The following CRTC1 variants were observed in gnomAD, a reference collection of about 807,000 sequenced individuals.
The protein encoded by CRTC1 is CREB-regulated transcription coactivator 1.
A neutral mutation model predicts 66.1 loss-of-function variants in CRTC1; 18 were observed. The ratio of observed to expected loss-of-function variants is 0.27; its 90% CI spans 0.19 to 0.40. CRTC1 has a LOEUF of 0.40. CRTC1 is among the 10% of genes least tolerant of loss of function. The pLI, the probability that CRTC1 is intolerant of heterozygous loss-of-function variation, is 1.00. For missense variants in CRTC1, 669 were observed against 887.9 expected, an observed-to-expected ratio of 0.75 and a Z score of 3.13; for synonymous variants, 416 against 398.8, an observed-to-expected ratio of 1.04 and a Z score of -0.51.
At chr19:18,756,819 A>T (rs2054499278) in intron 6 of CRTC1, among the ~76,000 whole-genome samples, 2 of 152,180 alleles carry the variant, frequency 1.3e-5, no homozygotes, top group African/African-American at 4.8e-5. Context: ...TACTGCTCAG[A>T]AATCCATTAA....
chr19:18,701,365 C>A (rs902727227), intron 1 of CRTC1, among the ~76,000 whole-genome samples: 9 of 152,276 alleles, frequency 5.9e-5, no homozygotes, highest in Admixed American at 5.2e-4. Context: ...GATGCATCCA[C>A]GCAAAGTGTC....
chr19:18,749,982 A>G (rs2054327784), intron 5 of CRTC1, 107 bp downstream of exon 5: 2 of 850,146 alleles, frequency 2.4e-6, no homozygotes, highest in African/African-American at 1.7e-5. Context: ...TCTTCAAAGG[A>G]AGACTCAGAC....
chr19:18,754,698 G>A lies in CRTC1; in HGVS notation c.624+1113G>A, dbSNP rs147028926. The stretch of plus-strand genomic sequence containing the variant: ...TTGAGGAAATAGTCTTCAGTCCCTC[G>A]AGGAGATAAGATTCTGAAGAAATTT... On this transcript the variant is annotated intron_variant, in intron 6 of 13. Transcript: ENST00000321949. Among the ~76,000 whole-genome samples the A allele has an allele frequency of 5.8e-3, 881 of 152,280 alleles. 13 individuals are homozygous for A. The highest frequency in any genetic ancestry group is 0.016 in the Admixed American group (252 of 15,298).
At chr19:18,774,826 G>C in intron 11 of CRTC1, 74 bp from the exon 12 acceptor site, 3 of 1,441,614 alleles carry the variant, frequency 2.1e-6, no homozygotes, top group Middle Eastern at 1.7e-4. Flanking sequence ...TTGTCTTCCA[G>C]CCGGGCTTGG....
At chr19:18,726,535 G>C (rs2053756620) in intron 1 of CRTC1, among the ~76,000 whole-genome samples, 3 of 152,228 alleles carry the variant, frequency 2.0e-5, no homozygotes, top group Admixed American at 2.0e-4. Context: ...ACCTGTGAGT[G>C]AGCTCATTTG....
chr19:18,697,476 A>G (rs1302353296), intron 1 of CRTC1, among the ~76,000 whole-genome samples: 3 of 152,158 alleles, frequency 2.0e-5, no homozygotes, highest in African/African-American at 7.2e-5. Context: ...TACCTGGCTA[A>G]TTTTTGCATT....
At chr19:18,744,390 C>A (rs191630786) in intron 2 of CRTC1, among the ~76,000 whole-genome samples, 2 of 152,212 alleles carry the variant, frequency 1.3e-5, no homozygotes, top group Non-Finnish European at 2.9e-5. Flanking sequence ...CCATCTGGGG[C>A]AGATGCCATA....
intron 1 of CRTC1, among the ~76,000 whole-genome samples, chr19:18,710,587 T>C (rs2053368078): frequency 6.6e-6 from 1 of 152,154 alleles, no homozygotes; most frequent in South Asian, 2.1e-4. Flanking sequence ...CTTGACTGTT[T>C]ATTTTTTACA....
At chr19:18,711,510 T>G (rs905664281) in intron 1 of CRTC1, among the ~76,000 whole-genome samples, 2 of 151,840 alleles carry the variant, frequency 1.3e-5, no homozygotes, top group African/African-American at 4.8e-5. Context: ...AAAAAAAAAG[T>G]AAAAGTTGGC....
chr19:18,767,349 C>T (rs1331326624), intron 9 of CRTC1, among the ~76,000 whole-genome samples: 2 of 152,062 alleles, frequency 1.3e-5, no homozygotes, highest in Non-Finnish European at 2.9e-5. Context: ...AGGCATGTGC[C>T]TACCATGCCC....
intron 1 of CRTC1, among the ~76,000 whole-genome samples, chr19:18,722,991 A>T (rs2053662147): frequency 6.6e-6 from 1 of 151,780 alleles, no homozygotes; most frequent in Non-Finnish European, 1.5e-5. Flanking sequence ...CCCAGGCTGG[A>T]GTGCAGAGGT....
At chr19:18,776,980 G>A (rs1321527853) in intron 13 of CRTC1, among the ~76,000 whole-genome samples, 191 bp from the exon 14 acceptor site, 1 of 152,212 alleles carries the variant, frequency 6.6e-6, no homozygotes. Flanking sequence ...CTGGGGTCCA[G>A]GCACTGTAGG....
chr19:18,778,305 A>G lies in CRTC1; in HGVS notation c.*923A>G, dbSNP rs1298431649. 9 of 229,870 alleles carry G rather than the reference A, an allele frequency of 3.9e-5. No homozygotes were observed. Among genetic ancestry groups the G allele is most frequent in the African/African-American group, 6.7e-5 (3 of 44,916 alleles). 14.2% of individuals were successfully genotyped at this position (229,870 alleles called of 1,614,324 possible). A position where few individuals can be genotyped will look rare whatever the true frequency, so the allele number is the denominator to read the frequency against. ...TTCATTGTGGTTTTTTTTTCCTTTT[A>G]GTTTCTAGTTACATTTTGGTTGTAG... On this transcript the variant is annotated 3_prime_UTR_variant, in exon 14 of 14. Coordinates refer to ENST00000321949, the MANE Select transcript of CRTC1 (RefSeq NM_015321.3).
intron 1 of CRTC1, among the ~76,000 whole-genome samples, chr19:18,698,127 T>C (rs1424766271): frequency 6.6e-6 from 1 of 151,058 alleles, no homozygotes; most frequent in Non-Finnish European, 1.5e-5. Context: ...GTTTGTGTTC[T>C]GCAGGCGCTC....
Position 18,743,014 on chromosome 19 carries a change from C to T in CRTC1, c.231C>T (p.Asp77=). The T allele has an allele frequency of 1.2e-6, 2 of 1,612,450 alleles. No homozygotes were observed. The highest frequency in any genetic ancestry group is 1.7e-6 in the Non-Finnish European group (2 of 1,179,236). ...NVNQIGSGTM[D]LPFQTPFQSS... ...ACCAGATCGGGAGTGGCACCATGGACCTGCCCTTCCAGGTGAGTGCCCCGC... is the reference window on the plus strand; with the variant it reads ...ACCAGATCGGGAGTGGCACCATGGATCTGCCCTTCCAGGTGAGTGCCCCGC... The change falls in exon 2 of 14, where the codon GAC becomes GAT. Residue 77 remains aspartate (D), a synonymous_variant. Coordinates refer to ENST00000321949, the MANE Select transcript of CRTC1 (RefSeq NM_015321.3).
intron 1 of CRTC1, among the ~76,000 whole-genome samples, chr19:18,736,404 C>G (rs1229389973): frequency 1.3e-5 from 2 of 151,256 alleles, no homozygotes; most frequent in African/African-American, 4.9e-5. Flanking sequence ...TCGCTCCCCA[C>G]CTTCCTCTTG....
chr19:18,772,605 C>T (rs1304284094), intron 11 of CRTC1, among the ~76,000 whole-genome samples: 1 of 152,180 alleles, frequency 6.6e-6, no homozygotes, highest in African/African-American at 2.4e-5. Context: ...ACCGTGAGCG[C>T]CACAGACAAG....
intron 6 of CRTC1, 76 bp downstream of exon 6, chr19:18,753,661 A>C: frequency 2.7e-6 from 3 of 1,122,518 alleles, no homozygotes; most frequent in East Asian, 2.4e-5. Context: ...AGGTGACAAA[A>C]TGGCAGGTTG....
intron 8 of CRTC1, among the ~76,000 whole-genome samples, chr19:18,761,253 C>G (rs1001460686): frequency 6.6e-6 from 1 of 152,240 alleles, no homozygotes; most frequent in Non-Finnish European, 1.5e-5. Context: ...GTTGCTGCTC[C>G]GTCCTTAGCT....
Sources: allele counts gnomAD v4.1 joint callset (sites outside exome capture counted in the v4.1 genomes callset), GRCh38; gene constraint gnomAD v4.1.1; transcripts MANE v1.5; gene names NCBI Gene and HGNC (gene_info 2026-07-23, HGNC 2026-07-21).